Variants in MSN observed in about 807,000 individuals in gnomAD.
The protein encoded by MSN is moesin, also known as epididymis luminal protein 70.
MSN carries 2 observed loss-of-function variants against 48.0 expected under a neutral mutation model. The ratio of observed to expected loss-of-function variants is 0.04; its 90% CI spans 0.02 to 0.13. The LOEUF (loss-of-function observed/expected upper bound fraction) is 0.13. MSN is among the 10% of genes least tolerant of loss of function. The pLI is 1.00. For synonymous variants in MSN, 146 were observed against 166.9 expected, an observed-to-expected ratio of 0.87 and a Z score of 0.97; for missense variants, 267 against 470.1, an observed-to-expected ratio of 0.57 and a Z score of 3.99.
intron 1 of MSN, among the ~76,000 whole-genome samples, chrX:65,609,587 AAGAG>A (rs1474360785): frequency 9.0e-6 from 1 of 111,692 alleles, no homozygotes; most frequent in Non-Finnish European, 1.9e-5. Flanking sequence ...ATTAAGGATA[AAGAG>A]TAGATTTCCT....
Position 65,741,180 on chromosome X carries a change from G to A in MSN, c.*1287G>A. 5.8e-6 allele frequency: 1 copy of A among 171,317 alleles called. No individual in the cohort carries two copies. The highest frequency in any genetic ancestry group is 8.3e-5 in the East Asian group (1 of 11,981). 14.1% of individuals were successfully genotyped at this position (171,317 alleles called of 1,213,427 possible). A position where few individuals can be genotyped will look rare whatever the true frequency, so the allele number is the denominator to read the frequency against. On this transcript the variant is annotated 3_prime_UTR_variant, in exon 13 of 13. Transcript: ENST00000360270. Reference sequence around the variant, plus strand: ...CCTTGGAGCTGTAAACCAGAGAGCTGCTGGGGATTCTGGCCTAGTCCCTTC... The same window carrying A: ...CCTTGGAGCTGTAAACCAGAGAGCTACTGGGGATTCTGGCCTAGTCCCTTC...
Position 65,735,269 on chromosome X carries a change from C to T in MSN, c.798C>T (p.Asp266=), listed in dbSNP as rs757635252. 3.3e-6 allele frequency: 4 copies of T among 1,209,411 alleles called. No individual in the cohort carries two copies. Among genetic ancestry groups the T allele is most frequent in the Non-Finnish European group, 4.5e-6 (4 of 894,493 alleles). The change falls in exon 8 of 13, where the codon GAC becomes GAT. Residue 266 remains aspartate, a splice_region_variant and synonymous_variant. Transcript: ENST00000360270. The part of the protein sequence containing the change: ...VIKPIDKKAP[D]FVFYAPRLRI... ...TCTGATTGCTGATTTCCCACCAGGA[C>T]TTCGTCTTCTATGCTCCCCGGCTGC...
At chrX:65,674,974 G>T (rs1342045264) in intron 1 of MSN, among the ~76,000 whole-genome samples, 1 of 112,158 alleles carries the variant, frequency 8.9e-6, no homozygotes, top group African/African-American at 3.2e-5. Flanking sequence ...TTACAGAGTT[G>T]CTGTGAGGAT....
intron 1 of MSN, among the ~76,000 whole-genome samples, chrX:65,634,629 A>T (rs1358963638): frequency 1.8e-5 from 2 of 112,169 alleles, no homozygotes; most frequent in Non-Finnish European, 3.8e-5. Context: ...AAATAAAAAT[A>T]AAAAATAAAA....
At chrX:65,714,775 G>A (rs1027210098) in intron 1 of MSN, among the ~76,000 whole-genome samples, 3 of 111,247 alleles carry the variant, frequency 2.7e-5, no homozygotes, top group Non-Finnish European at 3.8e-5. Flanking sequence ...CTGTTAACTC[G>A]ATAGTTTCTT....
intron 7 of MSN, among the ~76,000 whole-genome samples, chrX:65,734,090 A>T (rs1371770177): frequency 8.9e-6 from 1 of 112,252 alleles, no homozygotes; most frequent in African/African-American, 3.2e-5. Flanking sequence ...AGACCAAAAA[A>T]GTGCTTTAAG....
At chrX:65,677,888 T>C (rs892905215) in intron 1 of MSN, among the ~76,000 whole-genome samples, 1 of 111,950 alleles carries the variant, frequency 8.9e-6, no homozygotes, top group Non-Finnish European at 1.9e-5. Context: ...TGCCATTTGC[T>C]TTAGGGTTAC....
chrX:65,667,875 T>C, intron 1 of MSN, 22 bp downstream of exon 1: 1 of 1,204,183 alleles, frequency 8.3e-7, no homozygotes. Context: ...AGGTGGGCGC[T>C]GTCGACCCCA....
intron 4 of MSN, 34 bp downstream of exon 4, chrX:65,729,746 C>T: frequency 8.4e-7 from 1 of 1,191,400 alleles, no homozygotes; most frequent in Middle Eastern, 2.4e-4. Flanking sequence ...TTGCCTTGGC[C>T]ATAAGGGGCT....
intron 6 of MSN, 108 bp downstream of exon 6, chrX:65,732,092 C>G: frequency 1.1e-6 from 1 of 887,864 alleles, no homozygotes; most frequent in Non-Finnish European, 1.5e-6. Flanking sequence ...AGTTCTTTTT[C>G]TACCTAATTT....
At chrX:65,604,896 A>T (rs1479225793) in intron 1 of MSN, among the ~76,000 whole-genome samples, 2 of 111,469 alleles carry the variant, frequency 1.8e-5, no homozygotes, top group Admixed American at 9.6e-5. Flanking sequence ...CTGCTTCCAT[A>T]CTTACCTCCC....
chrX:65,727,441 G>A (rs1373988592), intron 2 of MSN, among the ~76,000 whole-genome samples: 1 of 112,008 alleles, frequency 8.9e-6, no homozygotes, highest in African/African-American at 3.3e-5. Context: ...CCCTAATTCT[G>A]TCACTCACAA....
chrX:65,613,529 A>G (rs2070340008), intron 1 of MSN, among the ~76,000 whole-genome samples: 1 of 112,880 alleles, frequency 8.9e-6, no homozygotes. Flanking sequence ...CATCCTCTAC[A>G]GCATCTGTTT....
At chrX:65,610,480 C>A (rs892010179) in intron 1 of MSN, among the ~76,000 whole-genome samples, 1 of 111,698 alleles carries the variant, frequency 9.0e-6, no homozygotes, top group Non-Finnish European at 1.9e-5. Flanking sequence ...ATGTATATAC[C>A]GTATTTTATT....
chrX:65,683,941 T>C (rs759064950), intron 1 of MSN, among the ~76,000 whole-genome samples: 3 of 103,976 alleles, frequency 2.9e-5, no homozygotes, highest in African/African-American at 1.1e-4. Context: ...TCTTTCTTTT[T>C]CTTTTTTTTT....
chrX:65,728,099 C>T (rs913144183), intron 3 of MSN, among the ~76,000 whole-genome samples, 190 bp downstream of exon 3: 2 of 111,479 alleles, frequency 1.8e-5, no homozygotes, highest in Non-Finnish European at 3.8e-5. Flanking sequence ...TCTGTCTCTA[C>T]TTTGACTTCT....
intron 10 of MSN, 73 bp from the exon 11 acceptor site, chrX:65,738,452 G>A (rs1045521854): frequency 4.3e-6 from 4 of 938,551 alleles, no homozygotes; most frequent in Non-Finnish European, 5.9e-6. Flanking sequence ...TCCCCCAGGG[G>A]ACTTGGGTTG....
chrX:65,648,426 G>T (rs931493940), intron 1 of MSN, among the ~76,000 whole-genome samples: 5 of 111,539 alleles, frequency 4.5e-5, no homozygotes. Context: ...GGTCGTGGGC[G>T]CCTGTGATCT....
intron 1 of MSN, among the ~76,000 whole-genome samples, chrX:65,620,097 ACT>A (rs1300170490): frequency 8.9e-6 from 1 of 112,260 alleles, no homozygotes; most frequent in African/African-American, 3.2e-5. Context: ...TGGGAGAACC[ACT>A]GCTCTCTTCA....
Sources: gnomAD v4.1 joint callset for allele counts (sites outside exome capture counted in the v4.1 genomes callset) on GRCh38, gnomAD v4.1.1 for gene constraint, MANE v1.5 for transcripts, NCBI Gene and HGNC (gene_info 2026-07-23, HGNC 2026-07-21) for gene names.